SDK2: variants seen among roughly 807,000 people sequenced by gnomAD.
The protein encoded by SDK2 is sidekick cell adhesion molecule 2.
A neutral mutation model predicts 253.9 loss-of-function variants in SDK2; 105 were observed. The ratio of observed to expected loss-of-function variants is 0.41; its 90% CI spans 0.35 to 0.49. SDK2 has a LOEUF of 0.49. Ranked by LOEUF, SDK2 falls within the 20% of genes least tolerant of loss-of-function variation. The probability of loss-of-function intolerance (pLI) is 0.06; values close to 1 mark genes in which losing one functional copy is unlikely to be tolerated. For missense variants in SDK2, 2,608 were observed against 3,003.0 expected, an observed-to-expected ratio of 0.87 and a Z score of 3.07; for synonymous variants, 1,249 against 1,234.9, an observed-to-expected ratio of 1.01 and a Z score of -0.24.
Position 73,394,254 on chromosome 17 carries a change from G to C in SDK2, c.3663C>G (p.Ser1221Arg). 4 of 1,601,664 alleles carry C rather than the reference G, an allele frequency of 2.5e-6. No homozygotes were observed. Among genetic ancestry groups the C allele is most frequent in the Non-Finnish European group, 3.4e-6 (4 of 1,171,828 alleles). ...TTSSSMLVRW[S>R]EVPEADRNGL... Reference sequence around the variant, plus strand: ...CGTTGCGATCAGCCTCGGGGACCTCGCTCCAGCGCACCAGCATGCTGCTGG... The same window carrying C: ...CGTTGCGATCAGCCTCGGGGACCTCCCTCCAGCGCACCAGCATGCTGCTGG... Residue 1221 changes from serine to arginine, a missense_variant, in exon 26 of 45, where the codon AGC becomes AGG. Ser to Arg is a moderately radical substitution (Grantham distance 110). Coordinates refer to ENST00000392650, the MANE Select transcript of SDK2 (RefSeq NM_001144952.2).
chr17:73,442,175 C>T (rs138848413), intron 5 of SDK2, among the ~76,000 whole-genome samples: 1 of 152,350 alleles, frequency 6.6e-6, no homozygotes, highest in African/African-American at 2.4e-5. Context: ...CTCTCTCCGC[C>T]ATGTGAGGAC....
chr17:73,600,511 A>C (rs113015055), intron 1 of SDK2, among the ~76,000 whole-genome samples: 3,096 of 152,194 alleles, frequency 0.02, 54 homozygotes, highest in East Asian at 0.044. Context: ...GGGGACACCC[A>C]GGGCTTCTCT....
chr17:73,375,863 AAAAG>A (rs56678861), intron 36 of SDK2, among the ~76,000 whole-genome samples: 61,515 of 148,714 alleles, frequency 0.41, 12,902 homozygotes, highest in East Asian at 0.65. Context: ...CTCAGGAAAA[AAAAG>A]AAAGAAAGAA....
At chr17:73,613,924 T>C (rs2046013710) in intron 1 of SDK2, among the ~76,000 whole-genome samples, 1 of 152,198 alleles carries the variant, frequency 6.6e-6, no homozygotes, top group Non-Finnish European at 1.5e-5. Flanking sequence ...GGACCAGTGC[T>C]CCTTAATTCA....
intron 1 of SDK2, among the ~76,000 whole-genome samples, chr17:73,601,171 C>A (rs2045834176): frequency 1.3e-5 from 2 of 152,028 alleles, no homozygotes. Flanking sequence ...AGGCATGCAC[C>A]ACCACGCCCA....
chr17:73,432,787 T>G (rs1171442833), intron 10 of SDK2, among the ~76,000 whole-genome samples: 1 of 152,076 alleles, frequency 6.6e-6, no homozygotes, highest in Admixed American at 6.5e-5. Flanking sequence ...CACATGTGTA[T>G]GTACATGTGT....
At chr17:73,357,921 C>T (rs1047442132) in intron 40 of SDK2, 158 bp downstream of exon 40, 4 of 1,155,460 alleles carry the variant, frequency 3.5e-6, no homozygotes, top group Admixed American at 1.7e-5. Flanking sequence ...AGCCCCCCAA[C>T]CCAGTTTCCC....
intron 39 of SDK2, among the ~76,000 whole-genome samples, chr17:73,360,362 G>A (rs572442859): frequency 1.1e-3 from 165 of 152,338 alleles, no homozygotes; most frequent in Admixed American, 2.9e-3. Flanking sequence ...ATTAGGGGAA[G>A]ACTCTCTTCC....
chr17:73,391,421 G>T lies in SDK2; in HGVS notation c.3997+19C>A, dbSNP rs758640275. ...TTCCTTCTTCCTGCAGCCGGGGCAC[G>T]GGAAGGGCAAAGGCTTACCAAGAAT... On this transcript the variant is annotated intron_variant, in intron 28 of 44. Transcript: ENST00000392650. 1.0e-5 allele frequency: 13 copies of T among 1,284,848 alleles called. No individual in the cohort carries two copies. Among genetic ancestry groups the T allele is most frequent in the South Asian group, 3.4e-5 (1 of 29,396 alleles). 79.6% of individuals were successfully genotyped at this position (1,284,848 alleles called of 1,614,324 possible).
At chr17:73,553,979 T>C (rs1007065047) in intron 1 of SDK2, among the ~76,000 whole-genome samples, 5 of 152,012 alleles carry the variant, frequency 3.3e-5, no homozygotes, top group African/African-American at 9.7e-5. Context: ...GACAGGAGCA[T>C]GGAGGGAGGG....
At chr17:73,451,395 A>T (rs2063488786) in intron 4 of SDK2, among the ~76,000 whole-genome samples, 1 of 152,194 alleles carries the variant, frequency 6.6e-6, no homozygotes, top group Admixed American at 6.5e-5. Flanking sequence ...AATCCCAGCT[A>T]CTGGAGGCTG....
intron 40 of SDK2, among the ~76,000 whole-genome samples, chr17:73,355,387 C>A (rs1036041414): frequency 2.0e-5 from 3 of 151,380 alleles, no homozygotes; most frequent in African/African-American, 7.3e-5. Context: ...CACTCTGTCA[C>A]CCAGGCTGGA....
chr17:73,417,915 T>C (rs2063196011), intron 16 of SDK2, among the ~76,000 whole-genome samples: 1 of 151,636 alleles, frequency 6.6e-6, no homozygotes, highest in Non-Finnish European at 1.5e-5. Flanking sequence ...ATCTAATTAT[T>C]GGAAAATTAA....
rs2062387852 is a variant in SDK2, at chr17:73,337,245, C to T, written c.*1342G>A. On this transcript the variant is annotated 3_prime_UTR_variant, in exon 45 of 45. Transcript: ENST00000392650. ...GCGGAGCCCAGCCTGGAAGCTGTTA[C>T]TGGGGGTTAGGGTGTCTTTGCCTTT... 6.6e-6 allele frequency: 1 copy of T among 152,384 alleles called. No individual in the cohort carries two copies. The highest frequency in any genetic ancestry group is 1.5e-5 in the Non-Finnish European group (1 of 68,178). 9.4% of individuals were successfully genotyped at this position (152,384 alleles called of 1,614,324 possible). A position where few individuals can be genotyped will look rare whatever the true frequency, so the allele number is the denominator to read the frequency against.
intron 2 of SDK2, among the ~76,000 whole-genome samples, chr17:73,479,157 T>C (rs2063705984): frequency 6.6e-6 from 1 of 152,212 alleles, no homozygotes; most frequent in Non-Finnish European, 1.5e-5. Context: ...TCATGTCCAC[T>C]GGGGGGTCAG....
In SDK2 at chr17:73,447,892, A is replaced by C. The variant is rs2063465132; in HGVS notation, c.480-144T>G. ...GGGCCCCTCCTGCCACCCCCTCCCC[A>C]ACCTCTTACTGCCTACATCCCGCCA... On this transcript the variant is annotated intron_variant, in intron 4 of 44. Transcript: ENST00000392650. This position sits in a 1 kb window ranked among gnomAD's most constrained non-coding sequence, Gnocchi z 4.0. The C allele has an allele frequency of 3.4e-6, 3 of 869,590 alleles. No individual in the cohort carries two copies. In the South Asian group the frequency reaches 5.1e-5, roughly 15 times the overall value. 53.9% of individuals were successfully genotyped at this position (869,590 alleles called of 1,614,324 possible).
chr17:73,402,051 A>C lies in SDK2; in HGVS notation c.2575T>G (p.Ser859Ala). Reference sequence around the variant, plus strand: ...TACTCGGTGAACTTCTTCAGGCCAGACACGAAGCCCACGTGGATGCTGTCT... The same window carrying C: ...TACTCGGTGAACTTCTTCAGGCCAGCCACGAAGCCCACGTGGATGCTGTCT... Reference protein sequence around the residue: ...FQDSIHVGFVSGLKKFTEYFT... With the variant: ...FQDSIHVGFVAGLKKFTEYFT... Residue 859 changes from serine (S) to alanine (A), a missense_variant, in exon 19 of 45, where the codon TCT becomes GCT. By Grantham distance (99) the Ser-to-Ala change is moderately conservative. Coordinates refer to ENST00000392650, the MANE Select transcript of SDK2 (RefSeq NM_001144952.2). The C allele has an allele frequency of 6.2e-7, 1 of 1,614,010 alleles. No homozygotes were observed. Among genetic ancestry groups the C allele is most frequent in the Non-Finnish European group, 8.5e-7 (1 of 1,179,882 alleles).
At chr17:73,585,094 C>T (rs2045587023) in intron 1 of SDK2, among the ~76,000 whole-genome samples, 1 of 152,196 alleles carries the variant, frequency 6.6e-6, no homozygotes, top group Non-Finnish European at 1.5e-5. Flanking sequence ...AGTGCCCAGC[C>T]TCACTGAGGC....
At chr17:73,428,289 C>T (rs979751110) in intron 12 of SDK2, among the ~76,000 whole-genome samples, 3 of 152,154 alleles carry the variant, frequency 2.0e-5, no homozygotes, top group African/African-American at 7.2e-5. Flanking sequence ...TGGTCTCCAT[C>T]TCCTGACTTC....
Sources: gnomAD v4.1 joint callset for allele counts (sites outside exome capture counted in the v4.1 genomes callset) on GRCh38, gnomAD v4.1.1 for gene constraint, Gnocchi (gnomAD v3.1) non-coding constraint, MANE v1.5 for transcripts, NCBI Gene and HGNC (gene_info 2026-07-23, HGNC 2026-07-21) for gene names.